TRIOBP: variants seen among roughly 807,000 people sequenced by gnomAD.
The protein encoded by TRIOBP is TRIO and F-actin binding protein, also known as TRIO and F-actin-binding protein.
Under a neutral mutation model 238.8 loss-of-function variants are expected in TRIOBP, and 169 were observed. The ratio of observed to expected loss-of-function variants is 0.71; its 90% confidence interval spans 0.62 to 0.80. TRIOBP has a LOEUF of 0.80. Among genes scored for constraint, TRIOBP ranks in the 30% least tolerant of loss-of-function variants. The probability of loss-of-function intolerance (pLI) is 0.00; values close to 1 mark genes in which losing one functional copy is unlikely to be tolerated. For missense variants in TRIOBP, 2,838 were observed against 3,122.6 expected (o/e 0.91, Z 2.17); for synonymous variants, 1,150 against 1,274.4 (o/e 0.90, Z 2.08).
chr22:37,728,630 C>T (rs1261311446), intron 7 of TRIOBP, among the ~76,000 whole-genome samples: 2 of 152,152 alleles, frequency 1.3e-5, no homozygotes, highest in Non-Finnish European at 2.9e-5. Context: ...GTTCCATGCA[C>T]AGCCTCTCCC....
rs35269997 is a variant in TRIOBP at position 37,774,123 on chromosome 22, TAAAAAA to T, written c.*355_*360del. The T allele has an allele frequency of 1.4e-5, 2 of 139,586 alleles. No individual in the cohort carries two copies. Among genetic ancestry groups the T allele is most frequent in the South Asian group, 2.3e-4 (1 of 4,432 alleles). The allele number at this position is 139,586 out of a possible 1,614,324, so 8.6% of individuals were successfully genotyped here. Reference sequence around the variant, plus strand: ...TTTTTTTCCAAAACACTTTATACTTTAAAAAAAAAAAAAAAAAGCAATTCCTGGTGG... The same window carrying T: ...TTTTTTTCCAAAACACTTTATACTTTAAAAAAAAAAAGCAATTCCTGGTGG... On this transcript the variant is annotated 3_prime_UTR_variant, in exon 24 of 24. Coordinates refer to ENST00000644935, the MANE Select transcript of TRIOBP (RefSeq NM_001039141.3).
At position 37,769,163 on chromosome 22, in the gene TRIOBP, C is replaced by T; in HGVS notation, c.6711C>T (p.Gly2237=). The change falls in exon 20 of 24, where the codon GGC becomes GGT. Residue 2237 remains glycine (G), a synonymous_variant. Coordinates refer to ENST00000644935, the MANE Select transcript of TRIOBP (RefSeq NM_001039141.3). ...CGCTGCGCCGCTGCCAGCAGGAGGG[C>T]CAGGAGCTGCTGCGCCACAACCAGG... ...EHTLRRCQQE[G]QELLRHNQEL... is the part of the protein sequence containing the mutation. The T allele has an allele frequency of 1.9e-6, 3 of 1,610,496 alleles. No homozygotes were observed. The highest frequency in any genetic ancestry group is 2.2e-5 in the South Asian group (2 of 90,744).
chr22:37,709,714 C>T (rs866762540), intron 3 of TRIOBP, among the ~76,000 whole-genome samples: 19 of 152,208 alleles, frequency 1.2e-4, no homozygotes, highest in Admixed American at 1.3e-4. Flanking sequence ...GCCGTTCCCC[C>T]CTGGTGAGCC....
intron 4 of TRIOBP, among the ~76,000 whole-genome samples, chr22:37,711,596 C>CAA (rs1344830476): frequency 9.5e-5 from 1 of 10,486 alleles, no homozygotes; most frequent in Non-Finnish European, 3.3e-4. Flanking sequence ...AAAAAAACAA[C>CAA]AAAAAAAAAA....
At chr22:37,743,776 G>C (rs955271628) in intron 11 of TRIOBP, among the ~76,000 whole-genome samples, 1 of 149,102 alleles carries the variant, frequency 6.7e-6, no homozygotes, top group East Asian at 2.0e-4. Flanking sequence ...GCATTGGGAG[G>C]GGGAAGGGGA....
chr22:37,767,114 G>C (rs190529651), intron 18 of TRIOBP, among the ~76,000 whole-genome samples: 1 of 152,060 alleles, frequency 6.6e-6, no homozygotes, highest in Non-Finnish European at 1.5e-5. Flanking sequence ...AGCCATGCGC[G>C]GTGGCAGGCG....
At chr22:37,757,497 G>A in intron 15 of TRIOBP, 116 bp from the exon 16 acceptor site, 1 of 1,403,146 alleles carries the variant, frequency 7.1e-7, no homozygotes, top group Non-Finnish European at 9.7e-7. Flanking sequence ...TTCCTTCCCT[G>A]GGGTCTGTCT....
chr22:37,772,811 TCTCCCACACCCGGGA>T, intron 23 of TRIOBP, 47 bp downstream of exon 23: 1 of 1,596,760 alleles, frequency 6.3e-7, no homozygotes. Flanking sequence ...GGGCTGAGGC[TCTCCCACACCCGGGA>T]CTCCCTGGAC....
In TRIOBP at chr22:37,725,242, T is replaced by G; in HGVS notation, c.2686T>G (p.Ser896Ala). The change falls in exon 7 of 24, where the codon TCT (serine) becomes GCT (alanine). Residue 896 changes from serine (S) to alanine (A), a missense_variant. This residue lies in a region of TRIOBP where 2,096 missense variants were observed against 2,137.4 expected (regional missense o/e 0.98). Coordinates refer to ENST00000644935, the MANE Select transcript of TRIOBP (RefSeq NM_001039141.3). ...STQWNNPRNS[S>A]PHRTNKDIPW... is the part of the protein sequence containing the mutation. ...TCAATGGAACAATCCCAGGAATTCA[T>G]CTCCCCATCGTACTAACAAAGACAT... 6.2e-7 allele frequency: 1 copy of G among 1,613,962 alleles called. No homozygotes were observed. Among genetic ancestry groups the G allele is most frequent in the Admixed American group, 1.7e-5 (1 of 60,008 alleles).
intron 2 of TRIOBP, among the ~76,000 whole-genome samples, chr22:37,699,820 C>T (rs866758589): frequency 1.3e-5 from 2 of 151,700 alleles, no homozygotes; most frequent in Non-Finnish European, 2.9e-5. Flanking sequence ...GGATTATAGG[C>T]GTGAGCCACT....
intron 3 of TRIOBP, among the ~76,000 whole-genome samples, chr22:37,708,441 C>T (rs1923065065): frequency 6.6e-6 from 1 of 152,156 alleles, no homozygotes; most frequent in African/African-American, 2.4e-5. Context: ...ATCACAGCTA[C>T]TGGGGTGGCT....
At chr22:37,700,898 G>C (rs1298127219) in intron 2 of TRIOBP, among the ~76,000 whole-genome samples, 1 of 152,046 alleles carries the variant, frequency 6.6e-6, no homozygotes, top group Non-Finnish European at 1.5e-5. Context: ...TACCATATTG[G>C]CCAGGCTGGT....
rs777421550 is a variant in TRIOBP at position 37,772,759 on chromosome 22, G to A, written c.7095G>A (p.Glu2365=). 1.7e-5 allele frequency: 28 copies of A among 1,613,082 alleles called. No individual in the cohort carries two copies. The highest frequency in any genetic ancestry group is 2.3e-5 in the Non-Finnish European group (27 of 1,180,014). ...AGTCGATGCGCAACAGCCTGGCTGAGTAGAGGTGGATGCCGAGGCGTGTGC... is the reference window on the plus strand; with the variant it reads ...AGTCGATGCGCAACAGCCTGGCTGAATAGAGGTGGATGCCGAGGCGTGTGC... ...EKESMRNSLA[E] The change falls in exon 23 of 24, where the codon GAG becomes GAA. Residue 2365 remains glutamate (E), a synonymous_variant. Transcript: ENST00000644935.
At chr22:37,736,614 G>T (rs1470974763) in intron 9 of TRIOBP, among the ~76,000 whole-genome samples, 1 of 152,132 alleles carries the variant, frequency 6.6e-6, no homozygotes, top group African/African-American at 2.4e-5. Flanking sequence ...CAAAGTTTGT[G>T]CTTTTATTTT....
chr22:37,736,797 TTG>T (rs1924693389), intron 9 of TRIOBP, among the ~76,000 whole-genome samples: 2 of 152,072 alleles, frequency 1.3e-5, no homozygotes, highest in Admixed American at 1.3e-4. Flanking sequence ...CCGGCTAATT[TTG>T]TGTTTTTAGT....
At chr22:37,765,144 G>A (rs1024185715) in intron 17 of TRIOBP, among the ~76,000 whole-genome samples, 1 of 152,168 alleles carries the variant, frequency 6.6e-6, no homozygotes, top group African/African-American at 2.4e-5. Flanking sequence ...AGCTGGGCGT[G>A]GTGGTGGGCA....
Position 37,724,705 on chromosome 22 carries a change from C to G in TRIOBP, c.2149C>G (p.Gln717Glu), listed in dbSNP as rs186620158. 3.5e-3 allele frequency: 5,574 copies of G among 1,613,024 alleles called. 13 individuals are homozygous for G. Among genetic ancestry groups the G allele is most frequent in the Non-Finnish European group, 4.2e-3 (4,956 of 1,179,798 alleles). Residue 717 changes from glutamine (Q) to glutamate (E), a missense_variant, in exon 7 of 24, where the codon CAA (glutamine) becomes GAA (glutamate). By Grantham distance (29) the Gln-to-Glu change is conservative. Around this residue, in one of 5 missense-constraint regions of TRIOBP, gnomAD observed 167 missense variants for 200.2 expected, o/e 0.83. Transcript: ENST00000644935. Reference protein sequence around the residue: ...RASSPNRTTQQENPRTSCARR... With the variant: ...RASSPNRTTQEENPRTSCARR... ...CTCCTCTCCTAACAGAACCACCCAA[C>G]AAGAGAACCCCAGAACATCCTGTGC...
chr22:37,754,787 C>T, intron 12 of TRIOBP, 90 bp from the exon 13 acceptor site: 1 of 1,344,976 alleles, frequency 7.4e-7, no homozygotes, highest in Middle Eastern at 2.2e-4. Flanking sequence ...CCTCCCCACC[C>T]CTCCTGTGTG....
intron 3 of TRIOBP, among the ~76,000 whole-genome samples, chr22:37,703,972 G>A (rs1443553337): frequency 4.6e-5 from 7 of 152,320 alleles, no homozygotes; most frequent in Admixed American, 1.3e-4. Context: ...GCTCGTCTGA[G>A]TTCTAGTCTC....
Sources: gnomAD v4.1 joint callset for allele counts (sites outside exome capture counted in the v4.1 genomes callset) on GRCh38, gnomAD v4.1.1 for gene constraint, gnomAD v4.1.1 regional missense constraint, MANE v1.5 for transcripts, NCBI Gene and HGNC (gene_info 2026-07-23, HGNC 2026-07-21) for gene names.